Variants in SAMD5 observed in about 807,000 individuals in gnomAD.
The protein encoded by SAMD5 is sterile alpha motif domain-containing protein 5.
In SAMD5, 13 loss-of-function variants were observed where a neutral mutation model predicts 11.3. The ratio of observed to expected loss-of-function variants is 1.15; its 90% CI spans 0.75 to 1.83. SAMD5 has a LOEUF of 1.83. Ranked by LOEUF, SAMD5 falls within the 40% of genes most tolerant of loss-of-function variation. The probability of loss-of-function intolerance (pLI) is 0.00; values close to 1 mark genes in which losing one functional copy is unlikely to be tolerated. For synonymous variants in SAMD5, 129 were observed against 111.3 expected (o/e 1.16, Z -1.00); for missense variants, 255 against 239.1 (o/e 1.07, Z -0.44).
the SAMD5 span, among the ~76,000 whole-genome samples, chr6:147,937,500 G>A: frequency 6.6e-6 from 1 of 152,188 alleles, no homozygotes; most frequent in Non-Finnish European, 1.5e-5. Flanking sequence ...TGACCTAGCA[G>A]TCCAGCTTCA....
At chr6:147,864,396 G>T in the SAMD5 span, among the ~76,000 whole-genome samples, 3 of 152,108 alleles carry the variant, frequency 2.0e-5, no homozygotes, top group Non-Finnish European at 4.4e-5. Flanking sequence ...GAAATGATTT[G>T]GTCAATAAAT....
chr6:147,675,566 G>T (rs1453407889), intron 1 of SAMD5, among the ~76,000 whole-genome samples: 2 of 152,126 alleles, frequency 1.3e-5, no homozygotes, highest in Non-Finnish European at 2.9e-5. Flanking sequence ...TTCTACGCGG[G>T]TTTTGTATGT....
chr6:147,878,613 A>C, the SAMD5 span, among the ~76,000 whole-genome samples: 5 of 146,618 alleles, frequency 3.4e-5, no homozygotes, highest in African/African-American at 5.0e-5. Context: ...ATCTATATAG[A>C]TATATATGTA....
chr6:147,687,196 T>C (rs899312918), intron 1 of SAMD5, among the ~76,000 whole-genome samples: 12 of 151,816 alleles, frequency 7.9e-5, no homozygotes, highest in African/African-American at 2.9e-4. Flanking sequence ...TTAGATATAT[T>C]CTCATATTTA....
intron 1 of SAMD5, among the ~76,000 whole-genome samples, chr6:147,512,559 T>C (rs1329958704): frequency 6.6e-6 from 1 of 152,100 alleles, no homozygotes; most frequent in Admixed American, 6.6e-5. Flanking sequence ...AAAGTAAATT[T>C]TCTTTTGTTT....
intron 1 of SAMD5, among the ~76,000 whole-genome samples, chr6:147,519,987 C>T (rs1005715890): frequency 3.3e-5 from 5 of 152,184 alleles, no homozygotes; most frequent in Non-Finnish European, 7.3e-5. Context: ...GTCCTTGAAA[C>T]GTGATCACTT....
intron 1 of SAMD5, among the ~76,000 whole-genome samples, chr6:147,735,849 C>G (rs867177731): frequency 1.3e-5 from 2 of 152,136 alleles, no homozygotes; most frequent in African/African-American, 4.8e-5. Context: ...AGGAGTACTA[C>G]AATTAATTGG....
chr6:147,687,815 G>A (rs1583139774), intron 1 of SAMD5, among the ~76,000 whole-genome samples: 1 of 152,286 alleles, frequency 6.6e-6, no homozygotes, highest in East Asian at 1.9e-4. Context: ...TCAGCTGTAA[G>A]TTTTATTGCA....
At chr6:147,768,668 A>G in the SAMD5 span, among the ~76,000 whole-genome samples, 2 of 152,236 alleles carry the variant, frequency 1.3e-5, no homozygotes, top group Admixed American at 6.5e-5. Flanking sequence ...TCAATAAATC[A>G]TGTATATCTA....
At chr6:147,931,529 T>C in the SAMD5 span, among the ~76,000 whole-genome samples, 1 of 152,184 alleles carries the variant, frequency 6.6e-6, no homozygotes, top group African/African-American at 2.4e-5. Context: ...TGTATCATAG[T>C]TGGGTTTCAA....
chr6:147,794,916 T>G, the SAMD5 span, among the ~76,000 whole-genome samples: 1,870 of 152,050 alleles, frequency 0.012, 47 homozygotes, highest in African/African-American at 0.042. Flanking sequence ...AGAGATCCTT[T>G]CTGGTGAGTG....
chr6:147,841,279 A>T, the SAMD5 span, among the ~76,000 whole-genome samples: 3 of 152,224 alleles, frequency 2.0e-5, no homozygotes, highest in African/African-American at 7.2e-5. Context: ...ATCCAGATTC[A>T]GTGCCCTGCC....
At chr6:147,644,973 A>G (rs1289361417) in intron 1 of SAMD5, among the ~76,000 whole-genome samples, 2 of 152,178 alleles carry the variant, frequency 1.3e-5, no homozygotes, top group Non-Finnish European at 2.9e-5. Flanking sequence ...TGATATGCAT[A>G]GAATCAGAGG....
the SAMD5 span, among the ~76,000 whole-genome samples, chr6:147,945,216 G>T: frequency 9.2e-5 from 14 of 151,786 alleles, no homozygotes; most frequent in Non-Finnish European, 1.6e-4. Context: ...TCCTCTCCCC[G>T]TGGCTCTGTC....
At chr6:147,940,592 A>G in the SAMD5 span, among the ~76,000 whole-genome samples, 2 of 152,224 alleles carry the variant, frequency 1.3e-5, no homozygotes, top group Admixed American at 1.3e-4. Flanking sequence ...AGTGTCAGCA[A>G]GTATCATGTA....
the SAMD5 span, among the ~76,000 whole-genome samples, chr6:147,891,239 T>G: frequency 6.6e-6 from 1 of 152,186 alleles, no homozygotes; most frequent in Non-Finnish European, 1.5e-5. Flanking sequence ...TCTACATAAC[T>G]TCTGTATCAC....
At chr6:147,931,085 C>T in the SAMD5 span, among the ~76,000 whole-genome samples, 3 of 152,268 alleles carry the variant, frequency 2.0e-5, no homozygotes, top group East Asian at 1.9e-4. Flanking sequence ...GAACTGAGGT[C>T]GTATTGCCTC....
chr6:147,644,532 C>T (rs2128452721), intron 1 of SAMD5, among the ~76,000 whole-genome samples: 1 of 152,256 alleles, frequency 6.6e-6, no homozygotes, highest in Middle Eastern at 3.4e-3. Flanking sequence ...ACAATCTCAG[C>T]TGTGAGACTA....
At chr6:147,935,435 A>G in the SAMD5 span, among the ~76,000 whole-genome samples, 1 of 152,148 alleles carries the variant, frequency 6.6e-6, no homozygotes, top group East Asian at 1.9e-4. Context: ...CACTGTAGCT[A>G]TTACTAGTAA....
Sources: gnomAD v4.1 joint callset for allele counts (sites outside exome capture counted in the v4.1 genomes callset) on GRCh38, gnomAD v4.1.1 for gene constraint, MANE v1.5 for transcripts, NCBI Gene and HGNC (gene_info 2026-07-23, HGNC 2026-07-21) for gene names.